FAM149B1: variants seen among roughly 807,000 people sequenced by gnomAD.
FAM149B1 encodes the protein primary cilium assembly protein FAM149B1.
A neutral mutation model predicts 75.3 loss-of-function variants in FAM149B1; 56 were observed. The observed-to-expected ratio is 0.74, with a 90% CI of 0.60 to 0.93. FAM149B1 has a LOEUF of 0.93. Among genes scored for constraint, FAM149B1 ranks in the 40% least tolerant of loss-of-function variants. FAM149B1 has a pLI of 0.00. For missense variants in FAM149B1, 639 were observed against 708.4 expected (o/e 0.90, Z 1.11); for synonymous variants, 259 against 256.1 (o/e 1.01, Z -0.11).
rs1226983448 is a variant in FAM149B1 at position 73,232,984 on chromosome 10, C to A, written c.1173C>A (p.Ile391=). 6.4e-7 allele frequency: 1 copy of A among 1,551,918 alleles called. No individual in the cohort carries two copies. Among genetic ancestry groups the A allele is most frequent in the South Asian group, 1.2e-5 (1 of 84,058 alleles). Residue 391 remains isoleucine (I), a synonymous_variant, in exon 10 of 14, where the codon ATC becomes ATA. Coordinates refer to ENST00000242505, the MANE Select transcript of FAM149B1 (RefSeq NM_173348.2). ...TTATGAGGCCTGGGTCCAGTACCATCCTTTCAACTCGAAATTGGCCAAATC... is the reference window on the plus strand; with the variant it reads ...TTATGAGGCCTGGGTCCAGTACCATACTTTCAACTCGAAATTGGCCAAATC... ...KLLMRPGSST[I]LSTRNWPNRA...
At chr10:73,170,138 C>T (rs995314013) in intron 1 of FAM149B1, among the ~76,000 whole-genome samples, 7 of 152,092 alleles carry the variant, frequency 4.6e-5, no homozygotes, top group African/African-American at 7.2e-5. Context: ...CTTCTAGCCA[C>T]GTGACTTTTA....
chr10:73,217,901 G>C (rs1455524159), intron 7 of FAM149B1, among the ~76,000 whole-genome samples: 1 of 152,134 alleles, frequency 6.6e-6, no homozygotes, highest in Non-Finnish European at 1.5e-5. Flanking sequence ...TCACTCACGT[G>C]GTTTTCAAGA....
intron 2 of FAM149B1, among the ~76,000 whole-genome samples, chr10:73,175,392 G>A (rs768897590): frequency 1.5e-4 from 23 of 151,936 alleles, no homozygotes; most frequent in East Asian, 7.7e-4. Flanking sequence ...AAATAGGGCC[G>A]GGCGCGGTGG....
In FAM149B1 at chr10:73,192,675, G is replaced by A; in HGVS notation, c.402G>A (p.Trp134Ter). Residue 134 changes from tryptophan (W) to a stop codon, truncating the protein, a stop_gained, in exon 4 of 14, where the codon TGG (tryptophan) becomes TGA (stop). Transcript: ENST00000242505. LOFTEE classifies it high-confidence loss of function. ...GTCTACAAGAAGAGTGCCAACAGTGGACAGCTAGCTTTCCTCACCTCAGGT... is the reference window on the plus strand; with the variant it reads ...GTCTACAAGAAGAGTGCCAACAGTGAACAGCTAGCTTTCCTCACCTCAGGT... Reference protein sequence around the residue: ...TKSLQEECQQWTASFPHLRIL... With the variant: ...TKSLQEECQQ 6 of 1,547,580 alleles carry A rather than the reference G, an allele frequency of 3.9e-6. No individual in the cohort carries two copies. The highest frequency in any genetic ancestry group is 5.2e-6 in the Non-Finnish European group (6 of 1,146,146).
chr10:73,168,686 T>G (rs1287921988), intron 1 of FAM149B1, among the ~76,000 whole-genome samples: 1 of 152,236 alleles, frequency 6.6e-6, no homozygotes, highest in Non-Finnish European at 1.5e-5. Context: ...TATTAATAGC[T>G]AACTGAGGGC....
chr10:73,225,358 AAC>A (rs1246293512), intron 7 of FAM149B1, among the ~76,000 whole-genome samples: 4 of 152,190 alleles, frequency 2.6e-5, no homozygotes, highest in Admixed American at 2.0e-4. Context: ...GTAGGTGGAA[AAC>A]AGTGATATTG....
chr10:73,169,920 A>T lies in FAM149B1; in HGVS notation c.47+1534A>T, dbSNP rs764460037. 9.3e-4 allele frequency among the ~76,000 whole-genome samples: 111 copies of T among 119,822 alleles called. 2 individuals are homozygous for T. The highest frequency in any genetic ancestry group is 1.2e-3 in the Admixed American group (16 of 13,000). 78.6% of individuals were successfully genotyped at this position (119,822 alleles called of 152,430 possible). On this transcript the variant is annotated intron_variant, in intron 1 of 13. Transcript: ENST00000242505. The stretch of plus-strand genomic sequence containing the variant: ...CCCAAATTCCAATTTTTTTTCCTTC[A>T]TGGAGCTATATAATTTTAGCAACCA...
Position 73,177,849 on chromosome 10 carries a change from G to A in FAM149B1, c.156G>A (p.Lys52=), listed in dbSNP as rs950265055. 8 of 1,551,000 alleles carry A rather than the reference G, an allele frequency of 5.2e-6. No homozygotes were observed. Among genetic ancestry groups the A allele is most frequent in the Non-Finnish European group, 7.0e-6 (8 of 1,146,750 alleles). The part of the protein sequence containing the change: ...SHEKDTSSQS[K]SDITRESSFT... ...TCCTCCCAAATTGTGCCTTTAGCAA[G>A]TCTGACATCACAAGAGAATCATCTT... Residue 52 remains lysine, a synonymous_variant, in exon 3 of 14, where the codon AAG becomes AAA. Transcript: ENST00000242505.
rs16915029 is a variant in FAM149B1, at chr10:73,242,237, T to G, written c.*1218T>G. 6.6e-6 allele frequency: 1 copy of G among 152,142 alleles called. No homozygotes were observed. The highest frequency in any genetic ancestry group is 1.5e-5 in the Non-Finnish European group (1 of 68,028). The allele number at this position is 152,142 out of a possible 1,614,324, so 9.4% of individuals were successfully genotyped here. A position where few individuals can be genotyped will look rare whatever the true frequency, so the allele number is the denominator to read the frequency against. On this transcript the variant is annotated 3_prime_UTR_variant, in exon 14 of 14. Transcript: ENST00000242505. ...TTTACCTTAGAGCTAAAGGCTTACT[T>G]TATGCATACGGTATATTTAATAGTC...
intron 10 of FAM149B1, 100 bp from the exon 11 acceptor site, chr10:73,234,717 T>G: frequency 7.6e-7 from 1 of 1,322,646 alleles, no homozygotes; most frequent in South Asian, 1.4e-5. Context: ...TCTGTGCACA[T>G]TAAACTCATC....
At chr10:73,193,625 T>G in intron 5 of FAM149B1, 32 bp downstream of exon 5, 1 of 1,539,546 alleles carries the variant, frequency 6.5e-7, no homozygotes, top group South Asian at 1.2e-5. Context: ...TACTTCAATG[T>G]GCCCTAATAT....
intron 3 of FAM149B1, among the ~76,000 whole-genome samples, chr10:73,189,035 ATAATTAAT>A (rs1013048706): frequency 6.6e-6 from 1 of 152,080 alleles, no homozygotes; most frequent in Non-Finnish European, 1.5e-5. Context: ...TCTCTAAAAA[ATAATTAAT>A]TAATTAATTA....
intron 7 of FAM149B1, 128 bp from the exon 8 acceptor site, chr10:73,227,932 A>G: frequency 9.9e-7 from 1 of 1,012,932 alleles, no homozygotes; most frequent in Non-Finnish European, 1.5e-6. Flanking sequence ...GTGGCATAAA[A>G]TTGTACTGCA....
In FAM149B1 at chr10:73,210,231, C is replaced by A; in HGVS notation, c.711-20C>A. On this transcript the variant is annotated intron_variant, in intron 6 of 13. Coordinates refer to ENST00000242505, the MANE Select transcript of FAM149B1 (RefSeq NM_173348.2). ...TTCCCTTCAGCATCATGAAGTCTTTCCTTCTTGCTTCTGTTACAGAGAAGA... is the reference window on the plus strand; with the variant it reads ...TTCCCTTCAGCATCATGAAGTCTTTACTTCTTGCTTCTGTTACAGAGAAGA... The A allele has an allele frequency of 6.5e-7, 1 of 1,533,036 alleles. No homozygotes were observed. The highest frequency in any genetic ancestry group is 8.8e-7 in the Non-Finnish European group (1 of 1,132,772). 95.0% of individuals were successfully genotyped at this position (1,533,036 alleles called of 1,614,324 possible). A position where few individuals can be genotyped will look rare whatever the true frequency, so the allele number is the denominator to read the frequency against.
chr10:73,179,058 G>A (rs577988353), intron 3 of FAM149B1, among the ~76,000 whole-genome samples: 6 of 151,860 alleles, frequency 4.0e-5, no homozygotes, highest in South Asian at 2.1e-4. Flanking sequence ...TCTGCCTCCC[G>A]GGTTCAAGCT....
At chr10:73,236,192 C>T (rs2043816888) in intron 12 of FAM149B1, among the ~76,000 whole-genome samples, 1 of 150,986 alleles carries the variant, frequency 6.6e-6, no homozygotes, top group Non-Finnish European at 1.5e-5. Context: ...GTATTAGTTT[C>T]CTAGGGCTTA....
At chr10:73,182,211 C>CTT (rs1193905747) in intron 3 of FAM149B1, among the ~76,000 whole-genome samples, 9,191 of 108,710 alleles carry the variant, frequency 0.085, 552 homozygotes, top group East Asian at 0.25. Flanking sequence ...CAGTCTGTGT[C>CTT]TTTTTTTTTT....
Position 73,199,249 on chromosome 10 carries a change from G to A in FAM149B1, c.542+5656G>A, listed in dbSNP as rs531929163. Among the ~76,000 whole-genome samples the A allele has an allele frequency of 8.6e-5, 13 of 150,590 alleles. No individual in the cohort carries two copies. In the South Asian group the frequency reaches 2.5e-3, roughly 29 times the overall value. On this transcript the variant is annotated intron_variant, in intron 5 of 13. Coordinates refer to ENST00000242505, the MANE Select transcript of FAM149B1 (RefSeq NM_173348.2). ...GTTGTTGTTGTTGAGATGGAGTCTC[G>A]CTCTGTCGCCCAGGCTGGAGTGCAG...
rs1341602682 is a variant in FAM149B1 at position 73,243,629 on chromosome 10, T to C, written c.*2610T>C. 7.1e-7 allele frequency: 1 copy of C among 1,406,424 alleles called. No individual in the cohort carries two copies. Among genetic ancestry groups the C allele is most frequent in the Non-Finnish European group, 9.7e-7 (1 of 1,026,552 alleles). 87.1% of individuals were successfully genotyped at this position (1,406,424 alleles called of 1,614,324 possible). A position where few individuals can be genotyped will look rare whatever the true frequency, so the allele number is the denominator to read the frequency against. On this transcript the variant is annotated 3_prime_UTR_variant, in exon 14 of 14. Coordinates refer to ENST00000242505, the MANE Select transcript of FAM149B1 (RefSeq NM_173348.2). ...GAATAACTACTAATGGGTATGGAGT[T>C]TTTTTGGAATGGTGAAAATGTCCTA... is the stretch of plus-strand genomic sequence containing the variant.
Sources: gnomAD v4.1 joint callset for allele counts (sites outside exome capture counted in the v4.1 genomes callset) on GRCh38, gnomAD v4.1.1 for gene constraint, MANE v1.5 for transcripts, NCBI Gene and HGNC (gene_info 2026-07-23, HGNC 2026-07-21) for gene names.